The following SEC23A variants were observed in gnomAD, a reference collection of about 807,000 sequenced individuals.
SEC23A encodes the protein protein transport protein Sec23A.
SEC23A carries 56 observed loss-of-function variants against 103.7 expected under a neutral mutation model. The observed-to-expected ratio is 0.54, with a 90% CI of 0.44 to 0.67. The LOEUF (loss-of-function observed/expected upper bound fraction) is 0.67, where lower values mean the gene tolerates loss of function less well. SEC23A is among the 30% of genes least tolerant of loss of function. SEC23A has a pLI of 0.00. For synonymous variants in SEC23A, 281 were observed against 293.0 expected (o/e 0.96, Z 0.42); for missense variants, 784 against 936.4 (o/e 0.84, Z 2.12).
chr14:39,091,759 C>A lies in SEC23A; in HGVS notation c.367-46G>T, dbSNP rs769917109. 3 of 1,272,594 alleles carry A rather than the reference C, an allele frequency of 2.4e-6. No individual in the cohort carries two copies. The African/African-American group carries it at 4.4e-5, about 19-fold the overall frequency. The allele number at this position is 1,272,594 out of a possible 1,614,324, so 78.8% of individuals were successfully genotyped here. On this transcript the variant is annotated intron_variant, in intron 4 of 19. Coordinates refer to ENST00000307712, the MANE Select transcript of SEC23A (RefSeq NM_006364.4). Reference sequence around the variant, plus strand: ...AAGAAAAAATATGTAGTTTAAAGCACAGCATACAAGACAGTCAACAGGGAA... The same window carrying A: ...AAGAAAAAATATGTAGTTTAAAGCAAAGCATACAAGACAGTCAACAGGGAA...
At position 39,076,011 on chromosome 14, in the gene SEC23A, T is replaced by C; in HGVS notation, c.911A>G (p.Asp304Gly). 6.2e-7 allele frequency: 1 copy of C among 1,613,862 alleles called. No individual in the cohort carries two copies. The highest frequency in any genetic ancestry group is 8.5e-7 in the Non-Finnish European group (1 of 1,179,904). The change falls in exon 8 of 20, where the codon GAT becomes GGT. Residue 304 changes from aspartate to glycine, a missense_variant. Transcript: ENST00000307712. ...CGATCTTATAGGTGTCTTCAACTCATCTCCAACCACCATTCCAGGCCCCTG... is the reference window on the plus strand; with the variant it reads ...CGATCTTATAGGTGTCTTCAACTCACCTCCAACCACCATTCCAGGCCCCTG... ...ATQGPGMVVG[D>G]ELKTPIRSWH...
At chr14:39,073,559 G>A (rs1244055196) in intron 9 of SEC23A, among the ~76,000 whole-genome samples, 1 of 146,838 alleles carries the variant, frequency 6.8e-6, no homozygotes, top group Non-Finnish European at 1.5e-5. Flanking sequence ...TTCTCAAAGT[G>A]CTAGGATTAC....
chr14:39,046,310 A>C (rs961158471), intron 15 of SEC23A, among the ~76,000 whole-genome samples: 1 of 152,070 alleles, frequency 6.6e-6, no homozygotes, highest in African/African-American at 2.4e-5. Context: ...CTCTACTAAA[A>C]ATACAAAAAA....
intron 17 of SEC23A, 126 bp from the exon 18 acceptor site, chr14:39,041,013 A>G (rs1885619182): frequency 9.5e-6 from 10 of 1,056,472 alleles, no homozygotes; most frequent in Admixed American, 3.3e-5. Flanking sequence ...ATTTACCTCA[A>G]TTTTTTAAAA....
chr14:39,040,558 A>T, intron 18 of SEC23A, 174 bp downstream of exon 18: 1 of 728,726 alleles, frequency 1.4e-6, no homozygotes, highest in Non-Finnish European at 2.3e-6. Flanking sequence ...CAATAATCTT[A>T]CTGTTTTGCT....
chr14:39,055,923 T>C (rs1011666462), intron 13 of SEC23A, among the ~76,000 whole-genome samples: 3 of 152,248 alleles, frequency 2.0e-5, no homozygotes, highest in Admixed American at 1.3e-4. Context: ...TCATGAGACA[T>C]GCCTGAGCGG....
At chr14:39,049,815 A>G (rs933470830) in intron 14 of SEC23A, among the ~76,000 whole-genome samples, 1 of 150,244 alleles carries the variant, frequency 6.7e-6, no homozygotes, top group African/African-American at 2.5e-5. Flanking sequence ...TTTTTGAGAC[A>G]AGAGTCTCGC....
chr14:39,066,252 C>G (rs1405537858), intron 10 of SEC23A, among the ~76,000 whole-genome samples: 1 of 151,886 alleles, frequency 6.6e-6, no homozygotes, highest in African/African-American at 2.4e-5. Flanking sequence ...ATTTCCCAAG[C>G]AATGTTGGGC....
intron 12 of SEC23A, among the ~76,000 whole-genome samples, chr14:39,062,906 G>A (rs1371991432): frequency 6.6e-6 from 1 of 151,932 alleles, no homozygotes; most frequent in Non-Finnish European, 1.5e-5. Flanking sequence ...CTTTTTCTAT[G>A]GATTTTGACA....
intron 1 of SEC23A, among the ~76,000 whole-genome samples, chr14:39,098,345 T>C (rs749859870): frequency 5.0e-4 from 76 of 152,096 alleles, no homozygotes; most frequent in Non-Finnish European, 8.4e-4. Context: ...TGAATATAAA[T>C]TCTAAGACTA....
At chr14:39,049,779 C>T (rs939696591) in intron 14 of SEC23A, among the ~76,000 whole-genome samples, 4 of 132,646 alleles carry the variant, frequency 3.0e-5, no homozygotes, top group Admixed American at 1.6e-4. Context: ...GATTCTGTCT[C>T]GAAAAAGAAA....
intron 14 of SEC23A, among the ~76,000 whole-genome samples, chr14:39,049,171 C>T (rs369156596): frequency 2.2e-4 from 30 of 137,460 alleles, no homozygotes; most frequent in East Asian, 8.8e-4. Context: ...ACAACCATCG[C>T]TATTAAAAAA....
At chr14:39,059,781 C>T (rs1886407355) in intron 13 of SEC23A, among the ~76,000 whole-genome samples, 2 of 152,134 alleles carry the variant, frequency 1.3e-5, no homozygotes, top group African/African-American at 2.4e-5. Flanking sequence ...TTATTAAACT[C>T]ATGAAATCTA....
chr14:39,100,095 G>T (rs1365524282), intron 1 of SEC23A, among the ~76,000 whole-genome samples: 2 of 152,126 alleles, frequency 1.3e-5, no homozygotes, highest in Non-Finnish European at 2.9e-5. Context: ...TCACCTGAGT[G>T]ATATCTGGGC....
intron 19 of SEC23A, among the ~76,000 whole-genome samples, chr14:39,033,913 G>C (rs766054270): frequency 9.9e-5 from 15 of 152,132 alleles, no homozygotes; most frequent in Non-Finnish European, 1.8e-4. Flanking sequence ...GGTATTTCTA[G>C]AAGATTTTTA....
At chr14:39,065,615 T>C (rs1209059832) in intron 10 of SEC23A, among the ~76,000 whole-genome samples, 1 of 152,092 alleles carries the variant, frequency 6.6e-6, no homozygotes, top group African/African-American at 2.4e-5. Flanking sequence ...ACTGGGCAGT[T>C]TTCTCAAACA....
chr14:39,034,962 CTATT>C (rs1393046411), intron 19 of SEC23A, among the ~76,000 whole-genome samples: 1 of 152,100 alleles, frequency 6.6e-6, no homozygotes, highest in Non-Finnish European at 1.5e-5. Flanking sequence ...ATCCTGTAAG[CTATT>C]AGAGTCCATT....
Position 39,063,353 on chromosome 14 carries a change from A to C in SEC23A, c.1369T>G (p.Leu457Val), listed in dbSNP as rs765120987. The part of the protein sequence containing the change: ...KICGLSPTTT[L>V]AIYFEVVNQH... ...TTGACAACCTCAAAATATATGGCTA[A>C]GGTTGTAGTGGGACTAAGTCCACAT... is the stretch of plus-strand genomic sequence containing the variant. Residue 457 changes from leucine to valine, a missense_variant, in exon 12 of 20, where the codon TTA (leucine) becomes GTA (valine). By Grantham distance (32) the Leu-to-Val change is conservative. This residue lies in a region of SEC23A where 683 missense variants were observed against 774.2 expected (regional missense o/e 0.88). Transcript: ENST00000307712. 4 of 1,612,026 alleles carry C rather than the reference A, an allele frequency of 2.5e-6. No homozygotes were observed. Among genetic ancestry groups the C allele is most frequent in the South Asian group, 1.1e-5 (1 of 91,034 alleles).
At chr14:39,073,226 T>C (rs1361747003) in intron 9 of SEC23A, among the ~76,000 whole-genome samples, 1 of 152,192 alleles carries the variant, frequency 6.6e-6, no homozygotes, top group East Asian at 1.9e-4. Flanking sequence ...TATTAGTACA[T>C]TCTACAGTCT....
Sources: gnomAD v4.1 joint callset for allele counts (sites outside exome capture counted in the v4.1 genomes callset) on GRCh38, gnomAD v4.1.1 for gene constraint, gnomAD v4.1.1 regional missense constraint, MANE v1.5 for transcripts, NCBI Gene and HGNC (gene_info 2026-07-23, HGNC 2026-07-21) for gene names.